The following MRPS23 variants were observed in gnomAD, a reference collection of about 807,000 sequenced individuals.
The protein encoded by MRPS23 is small ribosomal subunit protein mS23.
In MRPS23, 14 loss-of-function variants were observed where a neutral mutation model predicts 19.8. The observed-to-expected ratio is 0.71, with a 90% confidence interval of 0.47 to 1.11. The LOEUF (loss-of-function observed/expected upper bound fraction) is 1.11, where lower values mean the gene tolerates loss of function less well. MRPS23 is among the 50% of genes least tolerant of loss of function. The pLI, the probability that MRPS23 is intolerant of heterozygous loss-of-function variation, is 0.00. For missense variants in MRPS23, 242 were observed against 236.7 expected, an observed-to-expected ratio of 1.02 and a Z score of -0.15; for synonymous variants, 113 against 89.7, an observed-to-expected ratio of 1.26 and a Z score of -1.47.
chr17:57,850,033 T>G lies in MRPS23; in HGVS notation c.-23A>C, dbSNP rs139716390. 3.0e-4 allele frequency: 478 copies of G among 1,585,848 alleles called. 1 individual carries two copies. The African/African-American group carries it at 5.5e-3, about 18-fold the overall frequency. On this transcript the variant is annotated 5_prime_UTR_variant, in exon 1 of 5. Coordinates refer to ENST00000313608, the MANE Select transcript of MRPS23 (RefSeq NM_016070.4). ...CATGATCTGCGCCTGGTACCGAGCGTGACTAGCTGCTACCGGAACCGGAAG... is the reference window on the plus strand; with the variant it reads ...CATGATCTGCGCCTGGTACCGAGCGGGACTAGCTGCTACCGGAACCGGAAG...
intron 4 of MRPS23, 104 bp downstream of exon 4, chr17:57,840,822 G>T: frequency 6.9e-7 from 1 of 1,438,990 alleles, no homozygotes; most frequent in Non-Finnish European, 9.4e-7. Context: ...AGGTATTTCA[G>T]CATCTGTGAA....
chr17:57,845,117 C>T (rs537350695), intron 2 of MRPS23, among the ~76,000 whole-genome samples: 53 of 152,204 alleles, frequency 3.5e-4, no homozygotes, highest in South Asian at 6.2e-4. Context: ...AGGCTGGTTT[C>T]GAACTCCTGA....
At chr17:57,841,353 A>G in intron 2 of MRPS23, 93 bp from the exon 3 acceptor site, 3 of 1,354,252 alleles carry the variant, frequency 2.2e-6, no homozygotes, top group Non-Finnish European at 3.1e-6. Flanking sequence ...CTAGGCACTG[A>G]GGAGTTAAGT....
intron 2 of MRPS23, among the ~76,000 whole-genome samples, chr17:57,843,340 G>C (rs1347830266): frequency 2.0e-5 from 3 of 151,586 alleles, no homozygotes; most frequent in Non-Finnish European, 2.9e-5. Flanking sequence ...CAACCTAATA[G>C]GTAAGAAACC....
intron 4 of MRPS23, 57 bp from the exon 5 acceptor site, chr17:57,839,992 C>G (rs2099914): frequency 0.57 from 905,552 of 1,597,438 alleles, 260,422 homozygotes; most frequent in South Asian, 0.76. Context: ...TCAATTAATT[C>G]GCTAAAGATA....
chr17:57,839,148 A>G lies in MRPS23; in HGVS notation c.*635T>C, dbSNP rs1413776935. 1 of 152,250 alleles carries G rather than the reference A, an allele frequency of 6.6e-6. No homozygotes were observed. Among genetic ancestry groups the G allele is most frequent in the African/African-American group, 2.4e-5 (1 of 41,446 alleles). The allele number at this position is 152,250 out of a possible 1,614,324, so 9.4% of individuals were successfully genotyped here. On this transcript the variant is annotated 3_prime_UTR_variant, in exon 5 of 5. Coordinates refer to ENST00000313608, the MANE Select transcript of MRPS23 (RefSeq NM_016070.4). ...CATTCGTTCACTCATTCATTCAACA[A>G]GTATTTACTGAACAGCCTAGTCTGT...
Position 57,835,030 on chromosome 17 carries a change from G to A in MRPS23, c.*4753C>T, listed in dbSNP as rs1240091686. On this transcript the variant is annotated 3_prime_UTR_variant, in exon 5 of 5. Transcript: ENST00000313608. ...GGTGAATCCAGGACCACTTAAACAA[G>A]TCAGACATATAGATGATGGAAGACA... 3 of 152,208 alleles carry A rather than the reference G, an allele frequency of 2.0e-5. No homozygotes were observed. Among genetic ancestry groups the A allele is most frequent in the Non-Finnish European group, 4.4e-5 (3 of 68,058 alleles). 9.4% of individuals were successfully genotyped at this position (152,208 alleles called of 1,614,324 possible).
chr17:57,846,542 A>G (rs1205654209), intron 2 of MRPS23, among the ~76,000 whole-genome samples: 1 of 152,256 alleles, frequency 6.6e-6, no homozygotes, highest in Non-Finnish European at 1.5e-5. Context: ...AGAGGTAGAC[A>G]TGGGAGACTC....
At chr17:57,842,803 T>C (rs2073747108) in intron 2 of MRPS23, among the ~76,000 whole-genome samples, 1 of 151,196 alleles carries the variant, frequency 6.6e-6, no homozygotes, top group African/African-American at 2.4e-5. Flanking sequence ...CATGAGGATC[T>C]TTTGAGGCCA....
At position 57,839,818 on chromosome 17, in the gene MRPS23, G is replaced by A; in HGVS notation, c.538C>T (p.Pro180Ser). 1 of 1,614,180 alleles carries A rather than the reference G, an allele frequency of 6.2e-7. No individual in the cohort carries two copies. The highest frequency in any genetic ancestry group is 8.5e-7 in the Non-Finnish European group (1 of 1,180,030). ...AAGAGACCTTTCGACTGGTCTGCAG[G>A]TGCCTCCAAATGCTGGTCCTGTGGA... is the stretch of plus-strand genomic sequence containing the variant. The part of the protein sequence containing the change: ...EVPQDQHLEA[P>S]ADQSKGLLPP Residue 180 changes from proline to serine, a missense_variant, in exon 5 of 5, where the codon CCT (proline) becomes TCT (serine). By Grantham distance (74) the Pro-to-Ser change is moderately conservative. Transcript: ENST00000313608.
Position 57,837,937 on chromosome 17 carries a change from C to G in MRPS23, c.*1846G>C, listed in dbSNP as rs2073716035. 1 of 151,720 alleles carries G rather than the reference C, an allele frequency of 6.6e-6. No individual in the cohort carries two copies. Among genetic ancestry groups the G allele is most frequent in the Non-Finnish European group, 1.5e-5 (1 of 68,002 alleles). 9.4% of individuals were successfully genotyped at this position (151,720 alleles called of 1,614,324 possible). ...TAAGACTGCGGCAGGGTATGCACCA[C>G]TGCACCCAGCCTGGGTAACACAGTG... On this transcript the variant is annotated 3_prime_UTR_variant, in exon 5 of 5. Transcript: ENST00000313608.
chr17:57,840,025 CT>C, intron 4 of MRPS23, 90 bp from the exon 5 acceptor site: 2 of 1,471,168 alleles, frequency 1.4e-6, no homozygotes, highest in Non-Finnish European at 9.3e-7. Context: ...CATTCTGTCA[CT>C]GAGTGAAAAA....
chr17:57,846,233 C>T (rs1289064436), intron 2 of MRPS23, among the ~76,000 whole-genome samples: 3 of 144,054 alleles, frequency 2.1e-5, no homozygotes, highest in African/African-American at 8.7e-5. Flanking sequence ...TGGCCAGCCG[C>T]CCCGTCCGGG....
At chr17:57,841,510 A>C (rs1192191186) in intron 2 of MRPS23, among the ~76,000 whole-genome samples, 1 of 152,216 alleles carries the variant, frequency 6.6e-6, no homozygotes, top group African/African-American at 2.4e-5. Context: ...CCAGCCCCCC[A>C]GTTCCCTTCC....
chr17:57,849,978 G>C lies in MRPS23; in HGVS notation c.33C>G (p.Ser11Arg). The C allele has an allele frequency of 3.1e-6, 5 of 1,589,878 alleles. No homozygotes were observed. Among genetic ancestry groups the C allele is most frequent in the Non-Finnish European group, 4.3e-6 (5 of 1,174,472 alleles). The stretch of plus-strand genomic sequence containing the variant: ...CTGGGAGCACACACCGAGAGAAGAT[G>C]CTCCCTACGGTTTCCAGCCGGCTGC... MAGSRLETVG[S>R]IFSRTRDLVR... The change falls in exon 1 of 5, where the codon AGC (serine) becomes AGG (arginine). Residue 11 changes from serine to arginine, a missense_variant. Ser to Arg is a moderately radical substitution (Grantham distance 110). Transcript: ENST00000313608.
intron 2 of MRPS23, among the ~76,000 whole-genome samples, chr17:57,847,662 G>GAAA (rs55921717): frequency 7.8e-6 from 1 of 127,950 alleles, no homozygotes; most frequent in Non-Finnish European, 1.6e-5. Context: ...ACTCCATCTC[G>GAAA]AAAAAAAAAA....
At position 57,838,194 on chromosome 17, in the gene MRPS23, G is replaced by T. The variant is rs541204871; in HGVS notation, c.*1589C>A. On this transcript the variant is annotated 3_prime_UTR_variant, in exon 5 of 5. Coordinates refer to ENST00000313608, the MANE Select transcript of MRPS23 (RefSeq NM_016070.4). ...AATCCCAGCTACTTGGGAGGCTGAG[G>T]CAGAAGAACTGCTTGAACCTGGGAG... 1 of 142,304 alleles carries T rather than the reference G, an allele frequency of 7.0e-6. No homozygotes were observed. The highest frequency in any genetic ancestry group is 2.3e-4 in the South Asian group (1 of 4,358). 8.8% of individuals were successfully genotyped at this position (142,304 alleles called of 1,614,324 possible).
chr17:57,840,610 A>AGATTCTG lies in MRPS23; in HGVS notation c.420+315_420+316insCAGAATC, dbSNP rs2073734295. On this transcript the variant is annotated intron_variant, in intron 4 of 4. Transcript: ENST00000313608. ...TCAACCCTCTGCATCTACAGGTTCC[A>AGATTCTG]CATATGCAGATTCAACAAACCACGG... 2.6e-5 allele frequency among the ~76,000 whole-genome samples: 4 copies of AGATTCTG among 152,198 alleles called. No homozygotes were observed. The South Asian group carries it at 8.3e-4, about 31-fold the overall frequency.
At position 57,839,559 on chromosome 17, in the gene MRPS23, C is replaced by G. The variant is rs551590546; in HGVS notation, c.*224G>C. 232 of 399,294 alleles carry G rather than the reference C, an allele frequency of 5.8e-4. No individual in the cohort carries two copies. Among genetic ancestry groups the G allele is most frequent in the Non-Finnish European group, 9.3e-4 (210 of 226,614 alleles). 24.7% of individuals were successfully genotyped at this position (399,294 alleles called of 1,614,324 possible). ...CAAAGTAAATTTACTTTATAAGCAG[C>G]TAGGGAATTCTTTATTTAGTAATGT... is the stretch of plus-strand genomic sequence containing the variant. On this transcript the variant is annotated 3_prime_UTR_variant, in exon 5 of 5. Transcript: ENST00000313608.
Sources: gnomAD v4.1 joint callset for allele counts (sites outside exome capture counted in the v4.1 genomes callset) on GRCh38, gnomAD v4.1.1 for gene constraint, MANE v1.5 for transcripts, NCBI Gene and HGNC (gene_info 2026-07-23, HGNC 2026-07-21) for gene names.